FAT4: variants seen among roughly 807,000 people sequenced by gnomAD.
FAT4 encodes the protein protocadherin Fat 4.
Under a neutral mutation model 303.9 loss-of-function variants are expected in FAT4, and 84 were observed. The ratio of observed to expected loss-of-function variants is 0.28; its 90% confidence interval spans 0.23 to 0.33. The LOEUF is 0.33. FAT4 is among the 10% of genes least tolerant of loss of function. The probability of loss-of-function intolerance (pLI) is 1.00; values close to 1 mark genes in which losing one functional copy is unlikely to be tolerated. For missense variants in FAT4, 6,005 were observed against 6,146.8 expected (o/e 0.98, Z 0.77); for synonymous variants, 2,307 against 2,298.8 (o/e 1.00, Z -0.10).
chr4:125,441,091 A>G (rs1472949462), intron 8 of FAT4, among the ~76,000 whole-genome samples: 8 of 152,128 alleles, frequency 5.3e-5, no homozygotes, highest in Non-Finnish European at 8.8e-5. Context: ...CTTCCAATCT[A>G]TGTAGTACAC....
chr4:125,415,820 A>G lies in FAT4; in HGVS notation c.6843+14A>G. ...ACAATTCTTCAGGTCAGTATATTTAAATAAAGCAAGTATTGTCTTAATTAT... is the reference window on the plus strand; with the variant it reads ...ACAATTCTTCAGGTCAGTATATTTAGATAAAGCAAGTATTGTCTTAATTAT... On this transcript the variant is annotated intron_variant, in intron 6 of 17. Transcript: ENST00000394329. 1 of 1,571,760 alleles carries G rather than the reference A, an allele frequency of 6.4e-7. No homozygotes were observed. The highest frequency in any genetic ancestry group is 8.7e-7 in the Non-Finnish European group (1 of 1,153,628).
At chr4:125,330,023 G>C (rs555132630) in intron 2 of FAT4, among the ~76,000 whole-genome samples, 1 of 152,236 alleles carries the variant, frequency 6.6e-6, no homozygotes, top group South Asian at 2.1e-4. Flanking sequence ...GATTATTGAA[G>C]ACATCTTCTT....
chr4:125,415,695 G>A lies in FAT4; in HGVS notation c.6732G>A (p.Thr2244=), dbSNP rs138078089. The A allele has an allele frequency of 1.3e-4, 215 of 1,613,884 alleles. 1 individual carries two copies. The highest frequency in any genetic ancestry group is 7.5e-4 in the South Asian group (68 of 91,068). The change falls in exon 6 of 18, where the codon ACG becomes ACA. Residue 2244 remains threonine, a synonymous_variant. Coordinates refer to ENST00000394329, the MANE Select transcript of FAT4 (RefSeq NM_001291303.3). ...GCACACCCAGAACTGATACCTCCAC[G>A]GTCAGCATTGTTCTACTGGATATTA... ...RGSTPRTDTS[T]VSIVLLDIND...
At chr4:125,473,699 C>T (rs1276048215) in intron 12 of FAT4, among the ~76,000 whole-genome samples, 2 of 152,024 alleles carry the variant, frequency 1.3e-5, no homozygotes, top group Non-Finnish European at 2.9e-5. Context: ...AACGATTTTA[C>T]CTGATGACCT....
chr4:125,411,091 TAAC>T (rs1449965712), intron 5 of FAT4, among the ~76,000 whole-genome samples: 3 of 151,988 alleles, frequency 2.0e-5, no homozygotes, highest in African/African-American at 7.2e-5. Flanking sequence ...AATAACAAAT[TAAC>T]AAATAAATCT....
intron 2 of FAT4, among the ~76,000 whole-genome samples, chr4:125,382,498 A>G (rs1293975396): frequency 6.6e-6 from 1 of 152,212 alleles, no homozygotes; most frequent in East Asian, 1.9e-4. Context: ...CGGGCTTAAG[A>G]TATTCAGCAA....
Position 125,490,459 on chromosome 4 carries a change from A to G in FAT4, c.13643A>G (p.Lys4548Arg). 1.2e-6 allele frequency: 2 copies of G among 1,614,196 alleles called. No individual in the cohort carries two copies. Among genetic ancestry groups the G allele is most frequent in the Non-Finnish European group, 1.7e-6 (2 of 1,180,038 alleles). ...AAAGAGGAGAAGAAACCGAAGGAGA[A>G]GAAGAAAAAGGGAAGTGAGAACGTT... ...NPKEEKKPKE[K>R]KKKGSENVAF... is the part of the protein sequence containing the mutation. Residue 4548 changes from lysine (K) to arginine (R), a missense_variant, in exon 18 of 18, where the codon AAG becomes AGG. Lys to Arg is a conservative substitution (Grantham distance 26). Coordinates refer to ENST00000394329, the MANE Select transcript of FAT4 (RefSeq NM_001291303.3).
intron 2 of FAT4, among the ~76,000 whole-genome samples, chr4:125,352,250 TG>T (rs1273624719): frequency 6.6e-6 from 1 of 151,650 alleles, no homozygotes; most frequent in African/African-American, 2.4e-5. Context: ...AAACATTTTT[TG>T]GTCACCTGGT....
chr4:125,344,438 G>A (rs1731921372), intron 2 of FAT4, among the ~76,000 whole-genome samples: 2 of 152,074 alleles, frequency 1.3e-5, no homozygotes, highest in Non-Finnish European at 1.5e-5. Flanking sequence ...AGGCTTTAAC[G>A]ACCAGAAAAT....
In FAT4 at chr4:125,481,527, C is replaced by A; in HGVS notation, c.12611C>A (p.Thr4204Asn). ...LTGKYCEKSV[T>N]PDTALSLEGK... ...TTTTTCCTTTGACTTCCAGCTGTTA[C>A]TCCTGACACTGCCTTATCATTAGAA... The change falls in exon 16 of 18, where the codon ACT (threonine) becomes AAT (asparagine). Residue 4204 changes from threonine (T) to asparagine (N), a missense_variant. Physicochemically the swap from Thr to Asn is moderately conservative, Grantham distance 65. Transcript: ENST00000394329. 1.2e-6 allele frequency: 2 copies of A among 1,613,824 alleles called. No individual in the cohort carries two copies. The highest frequency in any genetic ancestry group is 1.3e-5 in the African/African-American group (1 of 75,016).
intron 10 of FAT4, among the ~76,000 whole-genome samples, chr4:125,453,517 G>A (rs777384408): frequency 2.7e-4 from 41 of 151,980 alleles, no homozygotes; most frequent in Admixed American, 1.1e-3. Context: ...GACCATCCTG[G>A]CCAACATGTG....
At chr4:125,380,398 A>T (rs1733495254) in intron 2 of FAT4, among the ~76,000 whole-genome samples, 1 of 152,210 alleles carries the variant, frequency 6.6e-6, no homozygotes, top group Admixed American at 6.5e-5. Flanking sequence ...GACCTACACA[A>T]TGTAATGTAG....
In FAT4 at chr4:125,339,963, TA is replaced by T. The variant is rs201924228; in HGVS notation, c.5175+18383del. Among the ~76,000 whole-genome samples the T allele has an allele frequency of 9.0e-3, 1,365 of 152,244 alleles. 24 individuals are homozygous for T. Among genetic ancestry groups the T allele is most frequent in the African/African-American group, 0.031 (1,299 of 41,538 alleles). ...ATATGTGTATATGAGATAGACAGTT[TA>T]AAAAATATTACTTTAAGTCCTTTTT... is the stretch of plus-strand genomic sequence containing the variant. On this transcript the variant is annotated intron_variant, in intron 2 of 17. Transcript: ENST00000394329.
intron 10 of FAT4, among the ~76,000 whole-genome samples, chr4:125,455,478 C>T (rs796937651): frequency 1.8e-4 from 28 of 152,182 alleles, no homozygotes; most frequent in African/African-American, 6.7e-4. Flanking sequence ...TTTAAATCTC[C>T]TTGCATTATA....
At chr4:125,324,642 G>A (rs2125949912) in intron 2 of FAT4, among the ~76,000 whole-genome samples, 1 of 152,194 alleles carries the variant, frequency 6.6e-6, no homozygotes, top group Non-Finnish European at 1.5e-5. Flanking sequence ...GTTCTGATAT[G>A]GAGCTTAGTG....
intron 5 of FAT4, among the ~76,000 whole-genome samples, chr4:125,412,044 G>A (rs1024252508): frequency 4.6e-5 from 7 of 151,524 alleles, no homozygotes; most frequent in Admixed American, 1.3e-4. Context: ...TATGGCTAAA[G>A]CTTAGAATTC....
At chr4:125,336,218 A>G (rs1731570870) in intron 2 of FAT4, among the ~76,000 whole-genome samples, 1 of 152,194 alleles carries the variant, frequency 6.6e-6, no homozygotes, top group African/African-American at 2.4e-5. Flanking sequence ...ATAATTTTTA[A>G]ATGAGTGACT....
Position 125,318,133 on chromosome 4 carries a change from T to A in FAT4, c.1722T>A (p.Asp574Glu). 3 of 1,614,050 alleles carry A rather than the reference T, an allele frequency of 1.9e-6. No homozygotes were observed. The highest frequency in any genetic ancestry group is 2.5e-6 in the Non-Finnish European group (3 of 1,180,024). Residue 574 changes from aspartate to glutamate, a missense_variant, in exon 2 of 18, where the codon GAT becomes GAA. Coordinates refer to ENST00000394329, the MANE Select transcript of FAT4 (RefSeq NM_001291303.3). The stretch of plus-strand genomic sequence containing the variant: ...CCCAGCTTGTAGTAACTCTCCTAGA[T>A]GTGAATGATGAAAAGCCAGTATTTA... ...SYAQLVVTLL[D>E]VNDEKPVFSQ...
intron 2 of FAT4, among the ~76,000 whole-genome samples, chr4:125,380,144 C>T (rs748076378): frequency 7.3e-5 from 11 of 151,438 alleles, no homozygotes; most frequent in East Asian, 2.0e-4. Flanking sequence ...CCACCTGCCT[C>T]GGCCTCCCAA....
Sources: gnomAD v4.1 joint callset for allele counts (sites outside exome capture counted in the v4.1 genomes callset) on GRCh38, gnomAD v4.1.1 for gene constraint, MANE v1.5 for transcripts, NCBI Gene and HGNC (gene_info 2026-07-23, HGNC 2026-07-21) for gene names.